The following ASTN2 variants were observed in gnomAD, a reference collection of about 807,000 sequenced individuals.
ASTN2 encodes astrotactin-2.
Under a neutral mutation model 139.8 loss-of-function variants are expected in ASTN2, and 54 were observed. The observed-to-expected ratio is 0.39, with a 90% CI of 0.31 to 0.48. The LOEUF (loss-of-function observed/expected upper bound fraction) is 0.48, where lower values mean the gene tolerates loss of function less well. Among genes scored for constraint, ASTN2 ranks in the 20% least tolerant of loss-of-function variants. The pLI, the probability that ASTN2 is intolerant of heterozygous loss-of-function variation, is 0.95. For synonymous variants in ASTN2, 756 were observed against 719.5 expected, an observed-to-expected ratio of 1.05 and a Z score of -0.81; for missense variants, 1,565 against 1,725.1, an observed-to-expected ratio of 0.91 and a Z score of 1.64.
At chr9:117,336,166 A>ATGG (rs1490646792) in intron 1 of ASTN2, among the ~76,000 whole-genome samples, 3 of 152,080 alleles carry the variant, frequency 2.0e-5, no homozygotes, top group Non-Finnish European at 4.4e-5. Context: ...GTGCTGGGGA[A>ATGG]TGGTAAGAGT....
chr9:117,027,935 G>T (rs1388859281), intron 6 of ASTN2, among the ~76,000 whole-genome samples: 2 of 152,124 alleles, frequency 1.3e-5, no homozygotes, highest in Admixed American at 1.3e-4. Context: ...TTAATAGATG[G>T]TAAAATTGGT....
intron 4 of ASTN2, among the ~76,000 whole-genome samples, chr9:117,117,398 G>GAA (rs35130478): frequency 0.022 from 3,035 of 140,006 alleles, 98 homozygotes; most frequent in African/African-American, 0.076. Flanking sequence ...CGAAGAAAGA[G>GAA]AAAAAAAAAA....
chr9:116,740,998 C>G (rs751347392), intron 13 of ASTN2, among the ~76,000 whole-genome samples: 2 of 151,936 alleles, frequency 1.3e-5, no homozygotes, highest in Non-Finnish European at 1.5e-5. Context: ...CATATGACCT[C>G]TAAATGACAG....
chr9:116,834,172 G>C (rs1391076161), intron 11 of ASTN2, among the ~76,000 whole-genome samples: 1 of 152,192 alleles, frequency 6.6e-6, no homozygotes, highest in African/African-American at 2.4e-5. Flanking sequence ...CATACAATTT[G>C]AATCTTAAAA....
chr9:116,567,840 C>T (rs1853312452), intron 19 of ASTN2, among the ~76,000 whole-genome samples: 1 of 152,154 alleles, frequency 6.6e-6, no homozygotes, highest in Non-Finnish European at 1.5e-5. Context: ...TCTCATTTTA[C>T]ACCCCTCTCC....
rs142862139 is a variant in ASTN2 at position 117,000,506 on chromosome 9, AAGCT to A, written c.1591+7582_1591+7585del. 2.7e-3 allele frequency among the ~76,000 whole-genome samples: 405 copies of A among 152,350 alleles called. 2 individuals carry two copies. The highest frequency in any genetic ancestry group is 9.6e-3 in the African/African-American group (399 of 41,590). ...GCCACAGATGTGCAGAACTTTAATA[AAGCT>A]GTTTCGCAATAAGACATTACCCACA... On this transcript the variant is annotated intron_variant, in intron 7 of 22. Coordinates refer to ENST00000313400, the MANE Select transcript of ASTN2 (RefSeq NM_001365068.1).
intron 7 of ASTN2, among the ~76,000 whole-genome samples, chr9:116,978,792 A>G (rs1836429685): frequency 1.4e-5 from 1 of 69,306 alleles, no homozygotes; most frequent in African/African-American, 5.6e-5. Context: ...GGCTTCAGGG[A>G]AAAAAAAAAT....
At chr9:117,027,487 C>T (rs1438253999) in intron 6 of ASTN2, among the ~76,000 whole-genome samples, 1 of 152,170 alleles carries the variant, frequency 6.6e-6, no homozygotes, top group Non-Finnish European at 1.5e-5. Context: ...GTGCTACCTG[C>T]TCCTGCCACA....
At chr9:117,221,131 T>C (rs1832501729) in intron 2 of ASTN2, among the ~76,000 whole-genome samples, 1 of 152,256 alleles carries the variant, frequency 6.6e-6, no homozygotes, top group Non-Finnish European at 1.5e-5. Context: ...GTTTTAGCTC[T>C]GATCCCAGCA....
intron 10 of ASTN2, among the ~76,000 whole-genome samples, chr9:116,883,475 C>T (rs540973307): frequency 6.6e-5 from 10 of 152,094 alleles, no homozygotes; most frequent in Non-Finnish European, 1.2e-4. Context: ...TTTGGGTTTG[C>T]GGAAATTCAC....
Position 117,214,666 on chromosome 9 carries a change from C to T in ASTN2, c.707G>A (p.Arg236His), listed in dbSNP as rs763226599. The part of the protein sequence containing the change: ...ALYAQRRWQK[R>H]RRIPQKSAST... ...TGCGCTCTTCTGGGGGATGCGGCGA[C>T]GCTTCTGCCAACGTCGCTGGGCGTA... Residue 236 changes from arginine (R) to histidine (H), a missense_variant, in exon 3 of 23, where the codon CGT becomes CAT. Physicochemically the swap from Arg to His is conservative, Grantham distance 29 (BLOSUM62 0). Coordinates refer to ENST00000313400, the MANE Select transcript of ASTN2 (RefSeq NM_001365068.1). The T allele has an allele frequency of 3.2e-6, 5 of 1,543,378 alleles. No individual in the cohort carries two copies. The highest frequency in any genetic ancestry group is 1.8e-5 in the Admixed American group (1 of 55,538).
intron 2 of ASTN2, among the ~76,000 whole-genome samples, chr9:117,272,662 A>G (rs986391301): frequency 3.9e-5 from 6 of 152,234 alleles, no homozygotes; most frequent in African/African-American, 1.4e-4. Flanking sequence ...GATACCCTAA[A>G]TCATCTCTCT....
chr9:117,057,411 C>A (rs1041701334), intron 5 of ASTN2, among the ~76,000 whole-genome samples: 1 of 152,182 alleles, frequency 6.6e-6, no homozygotes, highest in African/African-American at 2.4e-5. Context: ...AACTATAACT[C>A]AGGTGCTACA....
intron 10 of ASTN2, among the ~76,000 whole-genome samples, chr9:116,897,387 C>G (rs967847385): frequency 4.6e-5 from 7 of 152,292 alleles, no homozygotes; most frequent in African/African-American, 1.7e-4. Context: ...ACCAGATGGT[C>G]AAACTCACAA....
At chr9:117,318,770 T>C (rs1481590457) in intron 1 of ASTN2, among the ~76,000 whole-genome samples, 1 of 152,176 alleles carries the variant, frequency 6.6e-6, no homozygotes, top group Non-Finnish European at 1.5e-5. Context: ...CTCAGTCCCA[T>C]GCCTGAGCAA....
intron 19 of ASTN2, among the ~76,000 whole-genome samples, chr9:116,500,928 G>C (rs973515446): frequency 9.2e-5 from 14 of 152,218 alleles, no homozygotes; most frequent in African/African-American, 3.4e-4. Flanking sequence ...TAGGGAAAGT[G>C]AATTATCCTC....
chr9:116,572,320 C>G (rs1853552327), intron 19 of ASTN2, among the ~76,000 whole-genome samples: 1 of 152,126 alleles, frequency 6.6e-6, no homozygotes, highest in Non-Finnish European at 1.5e-5. Flanking sequence ...ATCCTTGGAC[C>G]CCAGTGTTGC....
At chr9:116,548,720 G>C (rs4837616) in intron 19 of ASTN2, among the ~76,000 whole-genome samples, 24,141 of 152,016 alleles carry the variant, frequency 0.16, 2,090 homozygotes, top group African/African-American at 0.21. Flanking sequence ...GTGATCCACC[G>C]GCCTCAGCCT....
intron 10 of ASTN2, among the ~76,000 whole-genome samples, chr9:116,906,195 G>C (rs1323369489): frequency 6.6e-6 from 1 of 152,096 alleles, no homozygotes; most frequent in Admixed American, 6.6e-5. Flanking sequence ...ATTCACCTGA[G>C]CTACTAAATA....
Sources: gnomAD v4.1 joint callset for allele counts (sites outside exome capture counted in the v4.1 genomes callset) on GRCh38, gnomAD v4.1.1 for gene constraint, MANE v1.5 for transcripts, NCBI Gene and HGNC (gene_info 2026-07-23, HGNC 2026-07-21) for gene names.